PHACTR1: variants seen among roughly 807,000 people sequenced by gnomAD.
PHACTR1 encodes RPEL repeat containing 1.
PHACTR1 carries 16 observed loss-of-function variants against 69.2 expected under a neutral mutation model. That is an observed-to-expected ratio of 0.23 (90% CI 0.16 to 0.35). PHACTR1 has a LOEUF of 0.35. Among genes scored for constraint, PHACTR1 ranks in the 10% least tolerant of loss-of-function variants. PHACTR1 has a pLI of 1.00. For missense variants in PHACTR1, 510 were observed against 734.7 expected, an observed-to-expected ratio of 0.69 and a Z score of 3.54; for synonymous variants, 312 against 284.5, an observed-to-expected ratio of 1.10 and a Z score of -0.97.
chr6:13,117,611 C>G (rs1467071175), intron 5 of PHACTR1, among the ~76,000 whole-genome samples: 2 of 152,186 alleles, frequency 1.3e-5, no homozygotes, highest in Non-Finnish European at 2.9e-5. Flanking sequence ...AATGTGGTCT[C>G]TAGTCAAGGA....
intron 4 of PHACTR1, among the ~76,000 whole-genome samples, chr6:13,010,196 C>T (rs1341248248): frequency 6.6e-5 from 10 of 152,094 alleles, no homozygotes; most frequent in South Asian, 6.2e-4. Context: ...GGCGTGATCT[C>T]GGCTCACTGC....
chr6:13,282,119 C>T (rs985828100), intron 12 of PHACTR1, among the ~76,000 whole-genome samples: 1 of 152,192 alleles, frequency 6.6e-6, no homozygotes, highest in African/African-American at 2.4e-5. Context: ...GTTGCAGAGT[C>T]GAAACTGCCA....
chr6:12,829,997 A>AGAGAGAGAGAGAGAGAGAGAG (rs755648488), intron 4 of PHACTR1, among the ~76,000 whole-genome samples: 2 of 141,078 alleles, frequency 1.4e-5, no homozygotes, highest in African/African-American at 5.4e-5. Flanking sequence ...AGAGAGAGAG[A>AGAGAGAGAGAGAGAGAGAGAG]ACGAAAAGAA....
intron 5 of PHACTR1, among the ~76,000 whole-genome samples, chr6:13,067,225 T>A (rs942739342): frequency 6.6e-6 from 1 of 152,206 alleles, no homozygotes; most frequent in Non-Finnish European, 1.5e-5. Context: ...CAGACCCATA[T>A]AGTATTATTA....
intron 4 of PHACTR1, among the ~76,000 whole-genome samples, chr6:12,954,754 C>T (rs1291362378): frequency 2.6e-5 from 4 of 152,156 alleles, no homozygotes; most frequent in Admixed American, 2.6e-4. Context: ...TTTATTGTTC[C>T]ACCCAAGAGA....
At chr6:13,187,594 A>G (rs1672984168) in intron 7 of PHACTR1, among the ~76,000 whole-genome samples, 1 of 152,242 alleles carries the variant, frequency 6.6e-6, no homozygotes, top group Admixed American at 6.5e-5. Flanking sequence ...GAGTGATATG[A>G]TGAAAACTAG....
At chr6:13,286,845 G>C (rs543958463) in intron 14 of PHACTR1, among the ~76,000 whole-genome samples, 1 of 152,342 alleles carries the variant, frequency 6.6e-6, no homozygotes, top group South Asian at 2.1e-4. Flanking sequence ...CTTGCTGCTG[G>C]ATCCAGGCTG....
chr6:12,975,094 T>C (rs1377801596), intron 4 of PHACTR1, among the ~76,000 whole-genome samples: 1 of 151,984 alleles, frequency 6.6e-6, no homozygotes, highest in African/African-American at 2.4e-5. Context: ...GCCGAGGGAG[T>C]GCTGACTCTA....
intron 10 of PHACTR1, among the ~76,000 whole-genome samples, chr6:13,250,755 C>T (rs1053856497): frequency 2.0e-5 from 3 of 152,162 alleles, no homozygotes; most frequent in South Asian, 2.1e-4. Context: ...GGGTCGCCAA[C>T]GAGTAAGAGC....
intron 6 of PHACTR1, among the ~76,000 whole-genome samples, chr6:13,166,090 C>T (rs1016526323): frequency 3.9e-5 from 6 of 152,212 alleles, no homozygotes; most frequent in Non-Finnish European, 5.9e-5. Flanking sequence ...TCCTGGCCCT[C>T]GAGGTTTGCG....
intron 11 of PHACTR1, among the ~76,000 whole-genome samples, chr6:13,276,588 A>G (rs1183738255): frequency 1.3e-5 from 2 of 152,108 alleles, no homozygotes; most frequent in Non-Finnish European, 1.5e-5. Context: ...TCTGGCCAAT[A>G]TGGTGAAACC....
At chr6:13,046,812 A>T (rs1453598049) in intron 4 of PHACTR1, among the ~76,000 whole-genome samples, 1 of 119,526 alleles carries the variant, frequency 8.4e-6, no homozygotes, top group Non-Finnish European at 1.5e-5. Flanking sequence ...TACTCTTTAA[A>T]AAAAAAAAAA....
chr6:12,865,773 C>G (rs1781395977), intron 4 of PHACTR1, among the ~76,000 whole-genome samples: 1 of 152,170 alleles, frequency 6.6e-6, no homozygotes. Flanking sequence ...CCACAAGTGT[C>G]CTTGATCTTA....
In PHACTR1 at chr6:12,784,005, C is replaced by T. The variant is rs1055772364; in HGVS notation, c.250+34215C>T. On this transcript the variant is annotated intron_variant, in intron 4 of 14. Transcript: ENST00000332995. ...ACACATATATCTATACACATACACACATATACATGATGATATGTACATATG... is the reference window on the plus strand; with the variant it reads ...ACACATATATCTATACACATACACATATATACATGATGATATGTACATATG... Among the ~76,000 whole-genome samples the T allele has an allele frequency of 2.0e-5, 3 of 151,434 alleles. No homozygotes were observed. The South Asian group carries it at 6.2e-4, about 31-fold the overall frequency.
intron 4 of PHACTR1, among the ~76,000 whole-genome samples, chr6:12,759,287 C>T (rs1767753213): frequency 6.6e-6 from 1 of 151,964 alleles, no homozygotes; most frequent in Admixed American, 6.6e-5. Context: ...GTTATCCTAT[C>T]CCATCCCTTG....
At chr6:13,105,907 A>G (rs1481897276) in intron 5 of PHACTR1, among the ~76,000 whole-genome samples, 2 of 152,210 alleles carry the variant, frequency 1.3e-5, no homozygotes, top group Non-Finnish European at 2.9e-5. Context: ...GTGGGCTGAT[A>G]TAAAGTTGTT....
intron 7 of PHACTR1, among the ~76,000 whole-genome samples, chr6:13,197,832 G>A (rs1281961413): frequency 5.3e-5 from 8 of 152,116 alleles, no homozygotes; most frequent in Admixed American, 4.6e-4. Flanking sequence ...TCCTCCACAA[G>A]GCTCTGGGCA....
intron 5 of PHACTR1, among the ~76,000 whole-genome samples, chr6:13,102,825 CATT>C (rs1428145167): frequency 6.6e-6 from 1 of 152,164 alleles, no homozygotes; most frequent in South Asian, 2.1e-4. Context: ...GTTGATGTTG[CATT>C]ATGTTATTCA....
intron 4 of PHACTR1, among the ~76,000 whole-genome samples, chr6:12,843,904 G>A (rs1216894914): frequency 2.0e-5 from 3 of 152,120 alleles, no homozygotes; most frequent in East Asian, 1.9e-4. Context: ...TCTTTGCATC[G>A]ATGGAGTGCA....
Sources: gnomAD v4.1 joint callset for allele counts (sites outside exome capture counted in the v4.1 genomes callset) on GRCh38, gnomAD v4.1.1 for gene constraint, MANE v1.5 for transcripts, NCBI Gene and HGNC (gene_info 2026-07-23, HGNC 2026-07-21) for gene names.